Variants in EYS observed in about 807,000 individuals in gnomAD.
The protein encoded by EYS is protein eyes shut homolog.
In EYS, 250 loss-of-function variants were observed where a neutral mutation model predicts 282.1. The observed-to-expected ratio is 0.89, with a 90% CI of 0.80 to 0.98. EYS has a LOEUF of 0.98. Among genes scored for constraint, EYS ranks in the 50% least tolerant of loss-of-function variants. The pLI, the probability that EYS is intolerant of heterozygous loss-of-function variation, is 0.00. For synonymous variants in EYS, 1,355 were observed against 1,282.9 expected, an observed-to-expected ratio of 1.06 and a Z score of -1.20; for missense variants, 4,016 against 3,709.0, an observed-to-expected ratio of 1.08 and a Z score of -2.15.
intron 2 of EYS, among the ~76,000 whole-genome samples, chr6:65,585,372 GTGAC>G (rs952612584): frequency 3.3e-5 from 5 of 151,906 alleles, no homozygotes; most frequent in East Asian, 3.9e-4. Context: ...ATTTTCATGG[GTGAC>G]TGACTGAAGG....
chr6:65,686,933 G>A (rs1769040059), intron 1 of EYS, among the ~76,000 whole-genome samples: 2 of 151,974 alleles, frequency 1.3e-5, no homozygotes, highest in Admixed American at 6.6e-5. Flanking sequence ...TTTTTTTAAT[G>A]TTATAGGCTA....
intron 41 of EYS, among the ~76,000 whole-genome samples, chr6:63,754,221 C>CT: frequency 6.6e-6 from 1 of 152,006 alleles, no homozygotes; most frequent in African/African-American, 2.4e-5. Context: ...ACTTTAAGTT[C>CT]TAGGGTACAT....
chr6:63,855,526 A>T (rs951678028), intron 36 of EYS, among the ~76,000 whole-genome samples: 16 of 152,212 alleles, frequency 1.1e-4, no homozygotes, highest in African/African-American at 3.4e-4. Flanking sequence ...TCAGGGCAAC[A>T]GCATACATAG....
chr6:65,462,409 G>A (rs2150410486), intron 5 of EYS, among the ~76,000 whole-genome samples: 1 of 152,080 alleles, frequency 6.6e-6, no homozygotes, highest in Non-Finnish European at 1.5e-5. Flanking sequence ...ATCTTTATGT[G>A]TAAAGATTCA....
At chr6:64,540,475 ATTTTTTT>A (rs397888030) in intron 26 of EYS, among the ~76,000 whole-genome samples, 6 of 83,496 alleles carry the variant, frequency 7.2e-5, no homozygotes, top group Non-Finnish European at 1.4e-4. Context: ...CCAAGTACAG[ATTTTTTT>A]TTTTTTTTTT....
intron 13 of EYS, among the ~76,000 whole-genome samples, chr6:65,022,138 A>G (rs1772268972): frequency 6.6e-6 from 1 of 152,208 alleles, no homozygotes; most frequent in Non-Finnish European, 1.5e-5. Context: ...CCTAGCGTCT[A>G]TCCATTAGCA....
intron 35 of EYS, among the ~76,000 whole-genome samples, chr6:63,930,262 TA>T (rs1483499370): frequency 3.4e-5 from 5 of 148,406 alleles, no homozygotes; most frequent in Non-Finnish European, 7.4e-5. Flanking sequence ...ATTTGTCAAT[TA>T]AAAATGTAAG....
At chr6:64,246,489 T>G (rs113998930) in intron 30 of EYS, among the ~76,000 whole-genome samples, 24 of 152,310 alleles carry the variant, frequency 1.6e-4, no homozygotes, top group African/African-American at 5.8e-4. Flanking sequence ...TATGCTTTTG[T>G]GTTTTCTATA....
At chr6:65,678,499 A>G (rs889966517) in intron 1 of EYS, among the ~76,000 whole-genome samples, 3 of 152,060 alleles carry the variant, frequency 2.0e-5, no homozygotes, top group South Asian at 4.1e-4. Flanking sequence ...AAACTATAAA[A>G]TTCCCAGAGG....
At chr6:65,109,730 G>A (rs1271144230) in intron 12 of EYS, among the ~76,000 whole-genome samples, 1 of 150,654 alleles carries the variant, frequency 6.6e-6, no homozygotes, top group Admixed American at 6.6e-5. Context: ...ACTGTCCTTA[G>A]ACGTAGTCCA....
intron 1 of EYS, among the ~76,000 whole-genome samples, chr6:65,704,461 A>G (rs1462691927): frequency 2.0e-5 from 3 of 152,218 alleles, no homozygotes; most frequent in Non-Finnish European, 4.4e-5. Context: ...AAATTCAACA[A>G]GTTCAGTTAC....
chr6:64,596,448 C>T (rs931756521), intron 24 of EYS, among the ~76,000 whole-genome samples: 8 of 152,134 alleles, frequency 5.3e-5, no homozygotes, highest in African/African-American at 1.9e-4. Context: ...GCATCATACT[C>T]TCTGACTTTA....
intron 22 of EYS, among the ~76,000 whole-genome samples, chr6:64,774,320 A>T (rs894125151): frequency 6.6e-6 from 1 of 151,904 alleles, no homozygotes; most frequent in Non-Finnish European, 1.5e-5. Context: ...CAGCAGGAAA[A>T]TGTTAACATA....
At chr6:64,509,581 A>C (rs1415249237) in intron 26 of EYS, among the ~76,000 whole-genome samples, 2 of 152,176 alleles carry the variant, frequency 1.3e-5, no homozygotes, top group South Asian at 4.1e-4. Context: ...TTAAAATAAT[A>C]ATCAATTTCA....
At chr6:64,220,171 T>C (rs777099149) in intron 31 of EYS, among the ~76,000 whole-genome samples, 6 of 152,084 alleles carry the variant, frequency 3.9e-5, no homozygotes, top group Non-Finnish European at 7.4e-5. Context: ...CCCTAAAACT[T>C]AAAGTAAAAA....
intron 26 of EYS, among the ~76,000 whole-genome samples, chr6:64,539,432 G>T (rs991249691): frequency 1.3e-5 from 2 of 152,030 alleles, no homozygotes; most frequent in South Asian, 4.2e-4. Context: ...ATAATCATCT[G>T]GGTGTGGCAG....
At chr6:63,873,306 T>C (rs1772866159) in intron 35 of EYS, among the ~76,000 whole-genome samples, 2 of 152,190 alleles carry the variant, frequency 1.3e-5, no homozygotes, top group Admixed American at 1.3e-4. Flanking sequence ...TCCAGCTTCA[T>C]CCATGTCCCT....
intron 12 of EYS, among the ~76,000 whole-genome samples, chr6:65,264,642 A>T (rs1364656283): frequency 1.3e-5 from 2 of 152,040 alleles, no homozygotes; most frequent in Non-Finnish European, 2.9e-5. Context: ...ATAAAAAGGT[A>T]TGCTTTGCTG....
At chr6:64,414,001 C>T (rs1773988398) in intron 28 of EYS, among the ~76,000 whole-genome samples, 1 of 152,110 alleles carries the variant, frequency 6.6e-6, no homozygotes, top group Non-Finnish European at 1.5e-5. Context: ...GAATTTTGCC[C>T]TTACCAATGA....
Sources: gnomAD v4.1 joint callset for allele counts (sites outside exome capture counted in the v4.1 genomes callset) on GRCh38, gnomAD v4.1.1 for gene constraint, MANE v1.5 for transcripts, NCBI Gene and HGNC (gene_info 2026-07-23, HGNC 2026-07-21) for gene names.